The following PGBD5 variants were observed in gnomAD, a reference collection of about 807,000 sequenced individuals.
PGBD5 encodes piggyBac transposable element derived 5, also known as piggyBac transposable element-derived protein 5.
A neutral mutation model predicts 47.9 loss-of-function variants in PGBD5; 14 were observed. That is an observed-to-expected ratio of 0.29 (90% CI 0.19 to 0.46). The LOEUF is 0.46. Ranked by LOEUF, PGBD5 falls within the 20% of genes least tolerant of loss-of-function variation. The pLI is 1.00. For missense variants in PGBD5, 635 were observed against 716.0 expected (o/e 0.89, Z 1.29); for synonymous variants, 316 against 306.3 (o/e 1.03, Z -0.33).
intron 6 of PGBD5, among the ~76,000 whole-genome samples, chr1:230,324,360 G>A (rs1250143194): frequency 6.6e-6 from 1 of 152,366 alleles, no homozygotes; most frequent in East Asian, 1.9e-4. Flanking sequence ...CAAGGTGCCA[G>A]TACATAGTAG....
intron 1 of PGBD5, among the ~76,000 whole-genome samples, chr1:230,407,143 G>A (rs968299642): frequency 4.6e-5 from 7 of 152,142 alleles, no homozygotes; most frequent in Non-Finnish European, 8.8e-5. Flanking sequence ...TCCAGAATAC[G>A]TCACTTTCAA....
At chr1:230,410,795 A>C (rs1200120243) in intron 1 of PGBD5, among the ~76,000 whole-genome samples, 1 of 152,156 alleles carries the variant, frequency 6.6e-6, no homozygotes, top group Non-Finnish European at 1.5e-5. Flanking sequence ...TTCAAAAGGA[A>C]GATTTTACAA....
intron 1 of PGBD5, among the ~76,000 whole-genome samples, chr1:230,359,112 A>G (rs954992845): frequency 1.3e-5 from 2 of 151,736 alleles, no homozygotes; most frequent in African/African-American, 4.8e-5. Flanking sequence ...CCCAGGCTAG[A>G]GTGCACTGGT....
intron 1 of PGBD5, among the ~76,000 whole-genome samples, chr1:230,366,409 G>T (rs966508324): frequency 9.9e-5 from 15 of 152,076 alleles, no homozygotes; most frequent in Non-Finnish European, 2.1e-4. Flanking sequence ...AGAAGCTGCA[G>T]TGTCTCTAGG....
chr1:230,407,866 T>C (rs1192417489), intron 1 of PGBD5, among the ~76,000 whole-genome samples: 1 of 152,198 alleles, frequency 6.6e-6, no homozygotes, highest in Non-Finnish European at 1.5e-5. Flanking sequence ...CCTAAAAATA[T>C]TCAAAGAATA....
rs1410162457 is a variant in PGBD5 at position 230,425,074 on chromosome 1, G to C, written c.331+524C>G. ...GACAGGGAAAGTTTCTCAGATTAAG[G>C]AGAAAACTAAGCCAAGTCAAGACGC... On this transcript the variant is annotated intron_variant, in intron 1 of 6. Transcript: ENST00000391860. This position sits in a 1 kb window ranked among gnomAD's most constrained non-coding sequence, Gnocchi z 4.7. 2.6e-5 allele frequency among the ~76,000 whole-genome samples: 4 copies of C among 152,120 alleles called. No individual in the cohort carries two copies. Among genetic ancestry groups the C allele is most frequent in the Non-Finnish European group, 5.9e-5 (4 of 68,022 alleles).
In PGBD5 at chr1:230,332,829, C is replaced by T. The variant is rs1253352588; in HGVS notation, c.1273+15G>A. 4 of 1,613,872 alleles carry T rather than the reference C, an allele frequency of 2.5e-6. No homozygotes were observed. Among genetic ancestry groups the T allele is most frequent in the East Asian group, 2.2e-5 (1 of 44,874 alleles). ...CCCGCGCGCCCCACTGTGTCAATGGCGGACCCGCACTCACCCTGCTGCACC... is the reference window on the plus strand; with the variant it reads ...CCCGCGCGCCCCACTGTGTCAATGGTGGACCCGCACTCACCCTGCTGCACC... On this transcript the variant is annotated intron_variant, in intron 5 of 6. Transcript: ENST00000391860.
rs1331500068 is a variant in PGBD5, at chr1:230,319,527, C to T, written c.*3898G>A. On this transcript the variant is annotated 3_prime_UTR_variant, in exon 7 of 7. Transcript: ENST00000391860. ...CCGGGTTTGCCCTGCTTCCTCTCAGCCTGATGCTTGGTGACCCCCCCTCAC... is the reference window on the plus strand; with the variant it reads ...CCGGGTTTGCCCTGCTTCCTCTCAGTCTGATGCTTGGTGACCCCCCCTCAC... 1.3e-5 allele frequency: 2 copies of T among 152,138 alleles called. No individual in the cohort carries two copies. Among genetic ancestry groups the T allele is most frequent in the Middle Eastern group, 3.2e-3 (1 of 316 alleles). 9.4% of individuals were successfully genotyped at this position (152,138 alleles called of 1,614,324 possible). A position where few individuals can be genotyped will look rare whatever the true frequency, so the allele number is the denominator to read the frequency against.
At chr1:230,395,260 C>A (rs573911553) in intron 1 of PGBD5, among the ~76,000 whole-genome samples, 2 of 41,102 alleles carry the variant, frequency 4.9e-5, no homozygotes, top group Non-Finnish European at 1.0e-4. Context: ...CTTCTCCCCC[C>A]CTCACGCTTC....
At chr1:230,327,331 G>A (rs1467448744) in intron 5 of PGBD5, among the ~76,000 whole-genome samples, 1 of 152,010 alleles carries the variant, frequency 6.6e-6, no homozygotes, top group Non-Finnish European at 1.5e-5. Flanking sequence ...CTTCATCTGG[G>A]GCCAGCCCCC....
intron 1 of PGBD5, chr1:230,368,258 A>G (rs1667873316): frequency 1.6e-6 from 2 of 1,217,042 alleles, no homozygotes; most frequent in Admixed American, 6.8e-5. Flanking sequence ...CCTAAAATAA[A>G]TTCTTAGAAA....
In PGBD5 at chr1:230,396,039, GTCTTCCCTTTGCTTCCCTCTTTCCTCCA is replaced by G. The variant is rs1243834465; in HGVS notation, c.331+29531_331+29558del. ...TCCCTCTTTCTGCTCCCTTGCTTCC[GTCTTCCCTTTGCTTCCCTCTTTCCTCCA>G]TCTTCCCTTTGCTTCCCTCTTTCTG... is the stretch of plus-strand genomic sequence containing the variant. On this transcript the variant is annotated intron_variant, in intron 1 of 6. Coordinates refer to ENST00000391860, the MANE Select transcript of PGBD5 (RefSeq NM_001258311.2). Among the ~76,000 whole-genome samples the G allele has an allele frequency of 6.1e-4, 83 of 136,048 alleles. 1 individual carries two copies. The highest frequency in any genetic ancestry group is 1.2e-3 in the South Asian group (5 of 4,146). 89.3% of individuals were successfully genotyped at this position (136,048 alleles called of 152,430 possible).
At chr1:230,367,884 T>TC in intron 1 of PGBD5, 2 of 1,308,622 alleles carry the variant, frequency 1.5e-6, no homozygotes, top group South Asian at 2.5e-5. Flanking sequence ...GCTACCAGAC[T>TC]CCCGCTCTGC....
At chr1:230,324,058 G>A (rs1041009221) in intron 6 of PGBD5, among the ~76,000 whole-genome samples, 2 of 152,196 alleles carry the variant, frequency 1.3e-5, no homozygotes, top group Admixed American at 1.3e-4. Context: ...CCCTGCTCCC[G>A]AATGTACCTT....
chr1:230,358,814 G>C (rs1171294612), intron 1 of PGBD5, among the ~76,000 whole-genome samples: 1 of 152,252 alleles, frequency 6.6e-6, no homozygotes, highest in African/African-American at 2.4e-5. Context: ...TATAGCCTAG[G>C]TGTGTAGGAG....
At chr1:230,344,371 A>G (rs1461885616) in intron 3 of PGBD5, among the ~76,000 whole-genome samples, 4 of 152,160 alleles carry the variant, frequency 2.6e-5, no homozygotes, top group Non-Finnish European at 1.5e-5. Flanking sequence ...ATTTTAGGCA[A>G]GGCAGCAAAT....
chr1:230,421,385 GA>G (rs1001576558), intron 1 of PGBD5, among the ~76,000 whole-genome samples: 4 of 151,624 alleles, frequency 2.6e-5, no homozygotes, highest in South Asian at 4.2e-4. Flanking sequence ...TCTAGTAAAA[GA>G]AAAAAAAGGC....
Position 230,357,023 on chromosome 1 carries a change from C to A in PGBD5, c.630G>T (p.Lys210Asn). 1 of 1,614,168 alleles carries A rather than the reference C, an allele frequency of 6.2e-7. No homozygotes were observed. The highest frequency in any genetic ancestry group is 8.5e-7 in the Non-Finnish European group (1 of 1,180,038). Residue 210 changes from lysine to asparagine, a missense_variant, in exon 2 of 7, where the codon AAG becomes AAT. By Grantham distance (94) the Lys-to-Asn change is moderately conservative. Coordinates refer to ENST00000391860, the MANE Select transcript of PGBD5 (RefSeq NM_001258311.2). The surrounding 1 kb of genome is among the most constrained non-coding windows in gnomAD (Gnocchi z 5.7). The stretch of plus-strand genomic sequence containing the variant: ...CCACGACGTGGAAGTACTTGAGGAT[C>A]TTCTCGAAGCGGGCCTGGCTCATGA... ...ALVMSQARFE[K>N]ILKYFHVVAF...
At chr1:230,407,606 T>C (rs558324790) in intron 1 of PGBD5, among the ~76,000 whole-genome samples, 1 of 152,306 alleles carries the variant, frequency 6.6e-6, no homozygotes, top group South Asian at 2.1e-4. Flanking sequence ...CAAACTGATG[T>C]GTCATGAGAG....
Sources: gnomAD v4.1 joint callset for allele counts (sites outside exome capture counted in the v4.1 genomes callset) on GRCh38, gnomAD v4.1.1 for gene constraint, Gnocchi (gnomAD v3.1) non-coding constraint, MANE v1.5 for transcripts, NCBI Gene and HGNC (gene_info 2026-07-23, HGNC 2026-07-21) for gene names.